Variants in CAPN11 observed in about 807,000 individuals in gnomAD.
CAPN11 encodes the protein calpain-11.
In CAPN11, 108 loss-of-function variants were observed where a neutral mutation model predicts 105.3. The observed-to-expected ratio is 1.03, with a 90% CI of 0.88 to 1.20. CAPN11 has a LOEUF of 1.20. CAPN11 is among the 50% of genes most tolerant of loss of function. CAPN11 has a pLI of 0.00. For synonymous variants in CAPN11, 329 were observed against 344.5 expected, an observed-to-expected ratio of 0.96 and a Z score of 0.50; for missense variants, 883 against 924.8, an observed-to-expected ratio of 0.95 and a Z score of 0.59.
chr6:44,171,242 G>A (rs1046689081), intron 4 of CAPN11, among the ~76,000 whole-genome samples: 5 of 152,310 alleles, frequency 3.3e-5, no homozygotes, highest in South Asian at 2.1e-4. Context: ...CACCCAGCAA[G>A]GGCTGAGATG....
rs1450546878 is a variant in CAPN11 at position 44,183,189 on chromosome 6, CTT to C, written c.2090_2091del (p.Phe697Ter). 6.2e-7 allele frequency: 1 copy of C among 1,613,482 alleles called. No homozygotes were observed. The highest frequency in any genetic ancestry group is 1.1e-5 in the South Asian group (1 of 91,080). On this transcript the variant is annotated frameshift_variant, in exon 21 of 23. Transcript: ENST00000398776. LOFTEE classifies it high-confidence loss of function. ...RYADDDLIIDFDSFISCFLRL... is the reference protein window; with the variant it reads ...RYADDDLIIDXDSFISCFLRL... ...ATGCAGATGATGACCTGATCATAGA[CTT>C]TGACAGCTTCATCAGCTGTTTCCTG...
At chr6:44,173,666 T>G (rs890997947) in intron 7 of CAPN11, among the ~76,000 whole-genome samples, 6 of 151,838 alleles carry the variant, frequency 4.0e-5, no homozygotes, top group African/African-American at 1.5e-4. Flanking sequence ...CACTGCAACC[T>G]CCACCTCCTG....
rs777784032 is a variant in CAPN11 at position 44,183,044 on chromosome 6, T to C, written c.2017+25T>C. 3 of 1,606,902 alleles carry C rather than the reference T, an allele frequency of 1.9e-6. No individual in the cohort carries two copies. The South Asian group carries it at 3.3e-5, about 18-fold the overall frequency. On this transcript the variant is annotated intron_variant, in intron 20 of 22. Transcript: ENST00000398776. ...GGTGGCCAAGGGTCAGGAGTGGGCC[T>C]TGGGGCAGGGAAGAGGATGGCAGTG...
chr6:44,180,647 G>C lies in CAPN11; in HGVS notation c.1731G>C (p.Lys577Asn), dbSNP rs1561852691. ...ACCAGGACTTCCTACATTTGTTTAAGATAGTGGCAGGAGAGGTGAGCAGGC... is the reference window on the plus strand; with the variant it reads ...ACCAGGACTTCCTACATTTGTTTAACATAGTGGCAGGAGAGGTGAGCAGGC... ...DMDQDFLHLF[K>N]IVAGEGKEIG... Residue 577 changes from lysine (K) to asparagine (N), a missense_variant, in exon 16 of 23, where the codon AAG becomes AAC. Lys to Asn is a moderately conservative substitution (Grantham distance 94). Coordinates refer to ENST00000398776, the MANE Select transcript of CAPN11 (RefSeq NM_007058.4). The C allele has an allele frequency of 6.2e-7, 1 of 1,613,780 alleles. No individual in the cohort carries two copies. Among genetic ancestry groups the C allele is most frequent in the Non-Finnish European group, 8.5e-7 (1 of 1,179,830 alleles).
At position 44,181,658 on chromosome 6, in the gene CAPN11, ACACT is replaced by A. The variant is rs1429464704; in HGVS notation, c.1938+342_1938+345del. On this transcript the variant is annotated intron_variant, in intron 19 of 22. Coordinates refer to ENST00000398776, the MANE Select transcript of CAPN11 (RefSeq NM_007058.4). The stretch of plus-strand genomic sequence containing the variant: ...ACTCACATACAGACACAACCACACC[ACACT>A]CACACACACATACTCACATACAGAC... Among the ~76,000 whole-genome samples, 2 of 35,478 alleles carry A rather than the reference ACACT, an allele frequency of 5.6e-5. 1 individual carries two copies. Among genetic ancestry groups the A allele is most frequent in the Non-Finnish European group, 1.2e-4 (2 of 17,000 alleles). 23.3% of individuals were successfully genotyped at this position (35,478 alleles called of 152,430 possible).
intron 1 of CAPN11, among the ~76,000 whole-genome samples, chr6:44,160,083 G>A (rs181712193): frequency 2.3e-3 from 342 of 151,290 alleles, no homozygotes; most frequent in African/African-American, 8.0e-3. Context: ...GCAGTGAGCC[G>A]AGATCGTGCC....
At chr6:44,174,438 G>A (rs112271146) in intron 7 of CAPN11, among the ~76,000 whole-genome samples, 15,506 of 150,304 alleles carry the variant, frequency 0.1, 873 homozygotes, top group African/African-American at 0.12. Context: ...AACACTTTGG[G>A]AGGCTGAGGT....
At position 44,176,064 on chromosome 6, in the gene CAPN11, G is replaced by A. The variant is rs1317932210; in HGVS notation, c.832-4G>A. On this transcript the variant is annotated splice_region_variant and splice_polypyrimidine_tract_variant and intron_variant, in intron 7 of 22. Transcript: ENST00000398776. ...CATGCTCTCCCTCCCTCTCTGTTCT[G>A]TAGGTCACCAGTGATAGTGAACTGG... 6.2e-6 allele frequency: 10 copies of A among 1,605,338 alleles called. No homozygotes were observed. The highest frequency in any genetic ancestry group is 1.6e-4 in the Middle Eastern group (1 of 6,070).
chr6:44,160,060 G>T (rs948299218), intron 1 of CAPN11, among the ~76,000 whole-genome samples: 1 of 151,846 alleles, frequency 6.6e-6, no homozygotes, highest in African/African-American at 2.4e-5. Context: ...CTTGAACCCA[G>T]CAAGTGGAGG....
At chr6:44,182,352 A>G (rs1459175921) in intron 19 of CAPN11, among the ~76,000 whole-genome samples, 3 of 152,054 alleles carry the variant, frequency 2.0e-5, no homozygotes, top group Non-Finnish European at 2.9e-5. Flanking sequence ...ACACATGAAA[A>G]GGGTCTGTTG....
chr6:44,164,973 T>A (rs1440730619), intron 1 of CAPN11, among the ~76,000 whole-genome samples: 3 of 152,148 alleles, frequency 2.0e-5, no homozygotes, highest in Non-Finnish European at 4.4e-5. Flanking sequence ...CACTGCAACC[T>A]CCACCTCCCA....
At chr6:44,161,388 C>T (rs1249862396) in intron 1 of CAPN11, among the ~76,000 whole-genome samples, 3 of 152,212 alleles carry the variant, frequency 2.0e-5, no homozygotes, top group South Asian at 2.1e-4. Flanking sequence ...TTAGTAGAGA[C>T]GGGGTTTCAC....
Position 44,176,073 on chromosome 6 carries a change from C to T in CAPN11, c.837C>T (p.Thr279=). ...SSLMGCSIEV[T]SDSELESMTD... ...CCTCCCTCTCTGTTCTGTAGGTCAC[C>T]AGTGATAGTGAACTGGAATCCATGA... is the stretch of plus-strand genomic sequence containing the variant. The change falls in exon 8 of 23, where the codon ACC becomes ACT. Residue 279 remains threonine (T), a synonymous_variant. Coordinates refer to ENST00000398776, the MANE Select transcript of CAPN11 (RefSeq NM_007058.4). 1 of 1,608,880 alleles carries T rather than the reference C, an allele frequency of 6.2e-7. No homozygotes were observed. The highest frequency in any genetic ancestry group is 8.5e-7 in the Non-Finnish European group (1 of 1,176,656).
At position 44,177,783 on chromosome 6, in the gene CAPN11, G is replaced by A. The variant is rs190979510; in HGVS notation, c.1416+363G>A. On this transcript the variant is annotated intron_variant, in intron 12 of 22. Coordinates refer to ENST00000398776, the MANE Select transcript of CAPN11 (RefSeq NM_007058.4). ...ATTACAGGTGTGAGCCACCACACCC[G>A]GCTGCCTGGCCTCACTCCTTTCTCC... 4.6e-3 allele frequency among the ~76,000 whole-genome samples: 694 copies of A among 152,082 alleles called. 3 individuals are homozygous for A. The highest frequency in any genetic ancestry group is 0.016 in the African/African-American group (656 of 41,490).
Position 44,183,207 on chromosome 6 carries a change from C to A in CAPN11, c.2106C>A (p.Ser702Arg). ...TCATAGACTTTGACAGCTTCATCAGCTGTTTCCTGAGGCTAAAGACCATGT... is the reference window on the plus strand; with the variant it reads ...TCATAGACTTTGACAGCTTCATCAGATGTTTCCTGAGGCTAAAGACCATGT... ...DLIIDFDSFISCFLRLKTMFT... is the reference protein window; with the variant it reads ...DLIIDFDSFIRCFLRLKTMFT... The change falls in exon 21 of 23, where the codon AGC becomes AGA. Residue 702 changes from serine to arginine, a missense_variant. Ser to Arg is a moderately radical substitution (Grantham distance 110, BLOSUM62 -1). Transcript: ENST00000398776. 1 of 1,612,484 alleles carries A rather than the reference C, an allele frequency of 6.2e-7. No individual in the cohort carries two copies. Among genetic ancestry groups the A allele is most frequent in the Non-Finnish European group, 8.5e-7 (1 of 1,178,542 alleles).
chr6:44,159,788 C>G (rs1329287836), intron 1 of CAPN11, among the ~76,000 whole-genome samples: 1 of 151,924 alleles, frequency 6.6e-6, no homozygotes, highest in Non-Finnish European at 1.5e-5. Flanking sequence ...TGCCGGAAAT[C>G]AAACTGTCCT....
chr6:44,170,505 G>C (rs1236079001), intron 4 of CAPN11, among the ~76,000 whole-genome samples: 2 of 152,180 alleles, frequency 1.3e-5, no homozygotes, highest in African/African-American at 4.8e-5. Context: ...GCTTCTCCAT[G>C]GGGCTGCTTG....
chr6:44,160,003 G>A (rs542397698), intron 1 of CAPN11, among the ~76,000 whole-genome samples: 1 of 151,988 alleles, frequency 6.6e-6, no homozygotes, highest in African/African-American at 2.4e-5. Flanking sequence ...GCGTGGTGGC[G>A]GGCGCCTGTA....
At position 44,176,901 on chromosome 6, in the gene CAPN11, T is replaced by C; in HGVS notation, c.1140T>C (p.Asp380=). ...TLLEICNLTP[D]TLSGDYKSYW... ...TGGAGATCTGCAACCTCACGCCTGATACACTCTCTGGGGACTACAAGAGCT... is the reference window on the plus strand; with the variant it reads ...TGGAGATCTGCAACCTCACGCCTGACACACTCTCTGGGGACTACAAGAGCT... Residue 380 remains aspartate, a synonymous_variant, in exon 11 of 23, where the codon GAT becomes GAC. Coordinates refer to ENST00000398776, the MANE Select transcript of CAPN11 (RefSeq NM_007058.4). The C allele has an allele frequency of 6.2e-7, 1 of 1,613,956 alleles. No homozygotes were observed. The highest frequency in any genetic ancestry group is 1.7e-5 in the Admixed American group (1 of 60,020).
Sources: allele counts gnomAD v4.1 joint callset (sites outside exome capture counted in the v4.1 genomes callset), GRCh38; gene constraint gnomAD v4.1.1; transcripts MANE v1.5; gene names NCBI Gene and HGNC (gene_info 2026-07-23, HGNC 2026-07-21).